TOX: variants seen among roughly 807,000 people sequenced by gnomAD.
TOX encodes thymocyte selection associated high mobility group box.
TOX carries 11 observed loss-of-function variants against 53.7 expected under a neutral mutation model. That is an observed-to-expected ratio of 0.20 (90% CI 0.13 to 0.34). The LOEUF is 0.34. TOX is among the 10% of genes least tolerant of loss of function. The pLI is 1.00. For missense variants in TOX, 570 were observed against 664.6 expected, an observed-to-expected ratio of 0.86 and a Z score of 1.56; for synonymous variants, 225 against 245.3, an observed-to-expected ratio of 0.92 and a Z score of 0.77.
At chr8:58,999,462 T>C (rs1813649127) in intron 1 of TOX, among the ~76,000 whole-genome samples, 1 of 151,546 alleles carries the variant, frequency 6.6e-6, no homozygotes, top group Non-Finnish European at 1.5e-5. Context: ...ATACAAGGGT[T>C]GAAAGGGTTG....
intron 3 of TOX, among the ~76,000 whole-genome samples, chr8:58,884,962 C>T (rs892021589): frequency 1.3e-5 from 2 of 152,064 alleles, no homozygotes; most frequent in Non-Finnish European, 2.9e-5. Flanking sequence ...AGTTTATTTT[C>T]AAACATGTGT....
intron 1 of TOX, among the ~76,000 whole-genome samples, chr8:59,112,180 CAA>C (rs1805027740): frequency 1.3e-5 from 2 of 152,178 alleles, no homozygotes; most frequent in African/African-American, 2.4e-5. Context: ...GCTGCACCGT[CAA>C]CATCGAAGCA....
chr8:59,111,535 AAC>A (rs1052845507), intron 1 of TOX, among the ~76,000 whole-genome samples: 1 of 151,656 alleles, frequency 6.6e-6, no homozygotes, highest in Non-Finnish European at 1.5e-5. Flanking sequence ...GAGAAACACA[AAC>A]ACACACACAC....
chr8:58,933,988 T>C (rs1812303389), intron 3 of TOX, among the ~76,000 whole-genome samples: 1 of 152,168 alleles, frequency 6.6e-6, no homozygotes. Flanking sequence ...TCAATGCTTT[T>C]CTAACCAGAC....
chr8:59,024,980 G>A (rs1182114575), intron 1 of TOX, among the ~76,000 whole-genome samples: 1 of 152,174 alleles, frequency 6.6e-6, no homozygotes, highest in Non-Finnish European at 1.5e-5. Flanking sequence ...ATGATATATA[G>A]TAGCCACAGA....
At chr8:58,974,583 C>T (rs1278499644) in intron 1 of TOX, among the ~76,000 whole-genome samples, 2 of 151,880 alleles carry the variant, frequency 1.3e-5, no homozygotes, top group Non-Finnish European at 2.9e-5. Flanking sequence ...ATCAAAGAGC[C>T]TTGATTGTCT....
At chr8:59,002,458 G>T (rs1813709102) in intron 1 of TOX, among the ~76,000 whole-genome samples, 1 of 151,138 alleles carries the variant, frequency 6.6e-6, no homozygotes, top group East Asian at 2.0e-4. Flanking sequence ...GGAGCGTGGT[G>T]GCAGGCGCCT....
rs188554875 is a variant in TOX, at chr8:59,101,906, A to T, written c.102+16980T>A. On this transcript the variant is annotated intron_variant, in intron 1 of 8. Coordinates refer to ENST00000361421, the MANE Select transcript of TOX (RefSeq NM_014729.3). ...TATGCATGCCACCCTGCCAAACCAA[A>T]GCTACTGGGTGTCCCCTAACAATAA... 2.3e-4 allele frequency among the ~76,000 whole-genome samples: 35 copies of T among 152,314 alleles called. 1 individual carries two copies. The highest frequency in any genetic ancestry group is 4.6e-4 in the Non-Finnish European group (31 of 68,036).
At chr8:59,109,453 T>C (rs1011735191) in intron 1 of TOX, among the ~76,000 whole-genome samples, 1 of 152,112 alleles carries the variant, frequency 6.6e-6, no homozygotes, top group Non-Finnish European at 1.5e-5. Context: ...AATAAATATT[T>C]TGGAAAGAGA....
intron 1 of TOX, among the ~76,000 whole-genome samples, chr8:59,015,483 T>A (rs890133703): frequency 2.0e-5 from 3 of 152,236 alleles, no homozygotes; most frequent in Non-Finnish European, 4.4e-5. Context: ...AAGAATACAT[T>A]ATTGCAAAAT....
chr8:58,925,000 A>G (rs1189122688), intron 3 of TOX, among the ~76,000 whole-genome samples: 2 of 152,130 alleles, frequency 1.3e-5, no homozygotes, highest in Non-Finnish European at 1.5e-5. Context: ...AGCGCTCCCT[A>G]CTTTCCAGAA....
At chr8:58,810,443 C>T (rs369725636) in intron 7 of TOX, among the ~76,000 whole-genome samples, 1 of 152,148 alleles carries the variant, frequency 6.6e-6, no homozygotes, top group Non-Finnish European at 1.5e-5. Context: ...TGGGCTCAAG[C>T]GATCCTTCCA....
At chr8:59,112,309 A>G (rs1244601600) in intron 1 of TOX, among the ~76,000 whole-genome samples, 1 of 152,256 alleles carries the variant, frequency 6.6e-6, no homozygotes, top group Non-Finnish European at 1.5e-5. Flanking sequence ...TTATGGAAGA[A>G]CTGCTATAAT....
chr8:58,937,075 G>A (rs1422712086), intron 3 of TOX, among the ~76,000 whole-genome samples: 2 of 152,094 alleles, frequency 1.3e-5, no homozygotes, highest in Admixed American at 6.6e-5. Flanking sequence ...TGCTGGAGTC[G>A]CTTTTTGCTT....
intron 1 of TOX, among the ~76,000 whole-genome samples, chr8:59,067,373 G>C (rs566061890): frequency 6.6e-6 from 1 of 152,012 alleles, no homozygotes; most frequent in African/African-American, 2.4e-5. Flanking sequence ...GGCCAACATG[G>C]TGAAACCCCA....
At chr8:58,935,686 A>T (rs1812331746) in intron 3 of TOX, among the ~76,000 whole-genome samples, 1 of 152,224 alleles carries the variant, frequency 6.6e-6, no homozygotes. Flanking sequence ...CTGTCCCTAC[A>T]CATAAACATA....
At position 58,889,667 on chromosome 8, in the gene TOX, G is replaced by A. The variant is rs111986454; in HGVS notation, c.412-37862C>T. 7.7e-3 allele frequency among the ~76,000 whole-genome samples: 1,169 copies of A among 152,222 alleles called. 16 individuals carry two copies. The highest frequency in any genetic ancestry group is 0.027 in the African/African-American group (1,110 of 41,532). ...TCAGTAATAGATGGACCTCCCGTAA[G>A]TGTCTTCAAATAAGATTTTACTTCC... On this transcript the variant is annotated intron_variant, in intron 3 of 8. Transcript: ENST00000361421.
chr8:58,954,604 G>A (rs1227168555), intron 2 of TOX, among the ~76,000 whole-genome samples: 1 of 152,128 alleles, frequency 6.6e-6, no homozygotes, highest in Non-Finnish European at 1.5e-5. Context: ...ACAATGGTGA[G>A]GCAGCAAAGA....
At chr8:59,085,951 T>TTTTTTC (rs1459622059) in intron 1 of TOX, among the ~76,000 whole-genome samples, 4 of 151,498 alleles carry the variant, frequency 2.6e-5, no homozygotes, top group Non-Finnish European at 5.9e-5. Flanking sequence ...ATAGAGTACT[T>TTTTTTC]TTTTTCTTTT....
Sources: gnomAD v4.1 joint callset for allele counts (sites outside exome capture counted in the v4.1 genomes callset) on GRCh38, gnomAD v4.1.1 for gene constraint, MANE v1.5 for transcripts, NCBI Gene and HGNC (gene_info 2026-07-23, HGNC 2026-07-21) for gene names.